The following ZBTB37 variants were observed in gnomAD, a reference collection of about 807,000 sequenced individuals.
ZBTB37 encodes zinc finger and BTB domain containing 37, also known as zinc finger and BTB domain-containing protein 37.
Under a neutral mutation model 37.7 loss-of-function variants are expected in ZBTB37, and 15 were observed. The observed-to-expected ratio is 0.40, with a 90% CI of 0.27 to 0.61. The LOEUF (loss-of-function observed/expected upper bound fraction) is 0.61. ZBTB37 is among the 20% of genes least tolerant of loss of function. The pLI is 0.44. For missense variants in ZBTB37, 514 were observed against 641.9 expected (o/e 0.80, Z 2.15); for synonymous variants, 231 against 220.6 (o/e 1.05, Z -0.42).
exon 4 of ZBTB37, chr1:173,892,731 C>T (rs1390072536): frequency 6.6e-6 from 1 of 152,138 alleles, no homozygotes; most frequent in Admixed American, 6.5e-5. Flanking sequence ...CAGTAGCTCA[C>T]ATCTTAACAT....
exon 4 of ZBTB37, chr1:173,899,593 A>G (rs1244162519): frequency 6.6e-6 from 1 of 152,164 alleles, no homozygotes; most frequent in Non-Finnish European, 1.5e-5. Flanking sequence ...CCAGTTCTTC[A>G]TATTGGTTGC....
At chr1:173,884,040 C>T (rs1656482300) in intron 4 of ZBTB37, among the ~76,000 whole-genome samples, 1 of 151,952 alleles carries the variant, frequency 6.6e-6, no homozygotes, top group African/African-American at 2.4e-5. Context: ...GTTTTTATTC[C>T]TCTAATATAA....
chr1:173,879,038 C>G lies in ZBTB37; in HGVS notation c.1023+5472C>G, dbSNP rs376490455. On this transcript the variant is annotated intron_variant, in intron 4 of 4. Transcript: ENST00000427304. ...CCCGGGAGGTGGAGGTTGCAGTGAGCCGAGACCATGCCATTGCCCTCCAGC... is the reference window on the plus strand; with the variant it reads ...CCCGGGAGGTGGAGGTTGCAGTGAGGCGAGACCATGCCATTGCCCTCCAGC... 7.9e-5 allele frequency among the ~76,000 whole-genome samples: 12 copies of G among 151,440 alleles called. No individual in the cohort carries two copies. In the East Asian group the frequency reaches 1.7e-3, roughly 22 times the overall value.
At chr1:173,869,539 C>T (rs535412636) in intron 2 of ZBTB37, among the ~76,000 whole-genome samples, 24 of 152,300 alleles carry the variant, frequency 1.6e-4, no homozygotes, top group African/African-American at 5.3e-4. Flanking sequence ...ACCCAGCTTT[C>T]CTAATTTTGA....
exon 3 of ZBTB37, chr1:173,870,700 C>G: frequency 6.2e-7 from 1 of 1,614,168 alleles, no homozygotes; most frequent in East Asian, 2.2e-5. Flanking sequence ...TACACCAAAT[C>G]TCAACCGCTC....
chr1:173,884,962 C>A (rs1249431817), intron 4 of ZBTB37, among the ~76,000 whole-genome samples: 2 of 152,146 alleles, frequency 1.3e-5, no homozygotes, highest in Non-Finnish European at 2.9e-5. Context: ...GGCTGGGCGT[C>A]GTGGCTTACA....
At chr1:173,897,176 T>A (rs1657082895) in exon 4 of ZBTB37, 1 of 152,218 alleles carries the variant, frequency 6.6e-6, no homozygotes, top group African/African-American at 2.4e-5. Context: ...TTTTCATGTA[T>A]GTTTATAAAT....
chr1:173,887,651 AT>A (rs1656682494), downstream of ZBTB37: 1 of 152,256 alleles, frequency 6.6e-6, no homozygotes, highest in Admixed American at 6.5e-5. Flanking sequence ...ATAGATGCTT[AT>A]AACTTACAGT....
chr1:173,887,370 T>C (rs1656667845), downstream of ZBTB37: 1 of 152,206 alleles, frequency 6.6e-6, no homozygotes, highest in Non-Finnish European at 1.5e-5. Context: ...CCAAGAGCTT[T>C]GCTTTTTAAT....
At chr1:173,873,642 A>T (rs1655716065) in intron 4 of ZBTB37, 76 bp downstream of exon 4, 1 of 1,586,756 alleles carries the variant, frequency 6.3e-7, no homozygotes, top group South Asian at 1.1e-5. Flanking sequence ...AATAATGAAA[A>T]AGAAAAGATG....
At chr1:173,903,212 A>G (rs1237743150) in exon 4 of ZBTB37, 1 of 149,306 alleles carries the variant, frequency 6.7e-6, no homozygotes, top group Non-Finnish European at 1.5e-5. Context: ...GTGGGGTTGC[A>G]TGTCTCCTAG....
At chr1:173,885,774 C>T in exon 5 of ZBTB37, 1 of 1,551,616 alleles carries the variant, frequency 6.4e-7, no homozygotes, top group South Asian at 1.2e-5. Flanking sequence ...GAAGGGAAGC[C>T]TGGACCGCCA....
chr1:173,888,500 T>TTGATTG (rs1398013942), downstream of ZBTB37: 38 of 152,288 alleles, frequency 2.5e-4, no homozygotes, highest in African/African-American at 8.7e-4. Context: ...CAATCATAGC[T>TTGATTG]CACTGTAATC....
downstream of ZBTB37, chr1:173,890,319 A>G (rs1271605989): frequency 6.6e-6 from 1 of 152,220 alleles, no homozygotes; most frequent in Non-Finnish European, 1.5e-5. Flanking sequence ...AGCAATGGAT[A>G]ATGGAAAGGA....
chr1:173,882,257 T>G (rs1314867567), intron 4 of ZBTB37, among the ~76,000 whole-genome samples: 1 of 142,938 alleles, frequency 7.0e-6, no homozygotes, highest in Non-Finnish European at 1.5e-5. Context: ...TTTTTTTTTT[T>G]TTGAGACAGA....
chr1:173,878,949 G>C (rs1656135724), intron 4 of ZBTB37, among the ~76,000 whole-genome samples: 1 of 152,054 alleles, frequency 6.6e-6, no homozygotes, highest in Non-Finnish European at 1.5e-5. Flanking sequence ...ACATTAGCCA[G>C]GCATGGTGGC....
intron 4 of ZBTB37, among the ~76,000 whole-genome samples, chr1:173,884,804 A>C (rs1477965037): frequency 1.3e-5 from 2 of 152,248 alleles, no homozygotes; most frequent in African/African-American, 4.8e-5. Context: ...GTGGCTATTT[A>C]AATTTAAATT....
chr1:173,889,412 C>T (rs905945553), downstream of ZBTB37: 2 of 152,206 alleles, frequency 1.3e-5, no homozygotes, highest in African/African-American at 4.8e-5. Flanking sequence ...AAGGGAACTG[C>T]ATTAGCAATG....
chr1:173,877,170 G>T (rs1656023820), intron 4 of ZBTB37, among the ~76,000 whole-genome samples: 1 of 152,012 alleles, frequency 6.6e-6, no homozygotes, highest in Non-Finnish European at 1.5e-5. Flanking sequence ...AATGTTATGT[G>T]GTACATAACT....
Sources: gnomAD v4.1 joint callset for allele counts (sites outside exome capture counted in the v4.1 genomes callset) on GRCh38, gnomAD v4.1.1 for gene constraint, MANE v1.5 for transcripts, NCBI Gene and HGNC (gene_info 2026-07-23, HGNC 2026-07-21) for gene names.